Variants in IQANK1 observed in about 807,000 individuals in gnomAD.
IQANK1 encodes IQ motif and ankyrin repeat domain-containing protein 1.
Under a neutral mutation model 22.6 loss-of-function variants are expected in IQANK1, and 30 were observed. The ratio of observed to expected loss-of-function variants is 1.33; its 90% CI spans 0.99 to 1.80. The LOEUF is 1.80. IQANK1 is among the 40% of genes most tolerant of loss of function. The pLI is 0.00. For missense variants in IQANK1, 275 were observed against 235.2 expected (o/e 1.17, Z -1.11); for synonymous variants, 122 against 99.6 (o/e 1.23, Z -1.34).
At chr8:143,737,725 G>T (rs950650140) in intron 2 of IQANK1, among the ~76,000 whole-genome samples, 7 of 152,152 alleles carry the variant, frequency 4.6e-5, no homozygotes, top group Non-Finnish European at 1.0e-4. Context: ...GCCCCTCCAC[G>T]TGTACCCAGG....
intron 7 of IQANK1, among the ~76,000 whole-genome samples, chr8:143,783,814 C>T (rs893514693): frequency 2.6e-5 from 4 of 152,126 alleles, no homozygotes; most frequent in African/African-American, 9.7e-5. Flanking sequence ...GTCCTGAGAG[C>T]ACCCACAGTC....
At position 143,758,718 on chromosome 8, in the gene IQANK1, C is replaced by T. The variant is rs1405351204; in HGVS notation, c.176-12770C>T. ...CCCCTGACAAGCCTGAGTCACAGGT[C>T]CCTGTGCAGGTCCCAGCGTCCAGTC... is the stretch of plus-strand genomic sequence containing the variant. On this transcript the variant is annotated intron_variant, in intron 3 of 13. Transcript: ENST00000527139. This position sits in a 1 kb window ranked among gnomAD's most constrained non-coding sequence, Gnocchi z 4.2. 6.6e-6 allele frequency: 1 copy of T among 152,396 alleles called. No individual in the cohort carries two copies. The highest frequency in any genetic ancestry group is 1.5e-5 in the Non-Finnish European group (1 of 68,172). 9.4% of individuals were successfully genotyped at this position (152,396 alleles called of 1,614,324 possible).
intron 7 of IQANK1, among the ~76,000 whole-genome samples, chr8:143,778,432 T>G (rs373750235): frequency 6.6e-6 from 1 of 152,150 alleles, no homozygotes; most frequent in Non-Finnish European, 1.5e-5. Flanking sequence ...TAATGACAAA[T>G]GTAGGAATTC....
At chr8:143,783,581 G>C (rs192303134) in intron 7 of IQANK1, among the ~76,000 whole-genome samples, 5 of 152,066 alleles carry the variant, frequency 3.3e-5, no homozygotes, top group African/African-American at 9.7e-5. Context: ...TTGTTTTACT[G>C]TAGTAAATTT....
chr8:143,767,985 G>C (rs1819508600), intron 3 of IQANK1, among the ~76,000 whole-genome samples: 1 of 142,772 alleles, frequency 7.0e-6, no homozygotes, highest in East Asian at 2.3e-4. Flanking sequence ...CCGGGTTCAA[G>C]TGATTCTTCC....
chr8:143,750,841 A>G (rs1819174125), intron 3 of IQANK1, among the ~76,000 whole-genome samples: 1 of 152,144 alleles, frequency 6.6e-6, no homozygotes, highest in Non-Finnish European at 1.5e-5. Flanking sequence ...AATAAAATTA[A>G]TAATTACTGA....
chr8:143,748,316 T>C (rs541628073), intron 3 of IQANK1, among the ~76,000 whole-genome samples: 128 of 151,272 alleles, frequency 8.5e-4, no homozygotes, highest in Admixed American at 1.7e-3. Flanking sequence ...TCTTTACTTA[T>C]CTTCTTATCT....
At chr8:143,737,595 C>T (rs879966750) in intron 2 of IQANK1, among the ~76,000 whole-genome samples, 21 of 152,294 alleles carry the variant, frequency 1.4e-4, no homozygotes, top group South Asian at 2.1e-4. Context: ...CAGTGGCCAC[C>T]GCACCAACAC....
intron 3 of IQANK1, chr8:143,759,917 C>T (rs1554628763): frequency 6.6e-6 from 1 of 152,196 alleles, no homozygotes; most frequent in Non-Finnish European, 1.5e-5. Context: ...TCTGGGATGT[C>T]TTTTTAGCTA....
At chr8:143,751,664 G>GTGTGTGTGTATATATATATA (rs370428606) in intron 3 of IQANK1, among the ~76,000 whole-genome samples, 2 of 61,550 alleles carry the variant, frequency 3.2e-5, no homozygotes, top group African/African-American at 8.8e-5. Flanking sequence ...GTGTGTGTGT[G>GTGTGTGTGTATATATATATA]TATATATATA....
chr8:143,767,836 G>T, intron 3 of IQANK1, among the ~76,000 whole-genome samples: 1 of 140,434 alleles, frequency 7.1e-6, no homozygotes, highest in East Asian at 2.5e-4. Flanking sequence ...AGTGAGCCAA[G>T]ATGGAGCCAC....
chr8:143,781,567 A>G (rs1174374439), intron 7 of IQANK1, among the ~76,000 whole-genome samples: 1 of 152,148 alleles, frequency 6.6e-6, no homozygotes, highest in Non-Finnish European at 1.5e-5. Context: ...AGCACGGTTT[A>G]TTGAATATGG....
At chr8:143,744,963 A>G (rs528744786) in intron 3 of IQANK1, 12 of 152,352 alleles carry the variant, frequency 7.9e-5, no homozygotes, top group South Asian at 2.1e-4. Flanking sequence ...CCTGGCGTCA[A>G]TGTCAGTGTC....
At chr8:143,752,718 A>G (rs1819217972) in intron 3 of IQANK1, among the ~76,000 whole-genome samples, 1 of 152,238 alleles carries the variant, frequency 6.6e-6, no homozygotes, top group Non-Finnish European at 1.5e-5. Flanking sequence ...AAATACAGTA[A>G]CATGCTGTAC....
Position 143,758,556 on chromosome 8 carries a change from T to C in IQANK1, c.176-12932T>C, listed in dbSNP as rs1819334247. ...GAGAACACGAGAACAACAAAAATAC[T>C]TTCCTTGAACATTTTCAGCTAGAAT... is the stretch of plus-strand genomic sequence containing the variant. On this transcript the variant is annotated intron_variant, in intron 3 of 13. Transcript: ENST00000527139. This position sits in a 1 kb window ranked among gnomAD's most constrained non-coding sequence, Gnocchi z 4.2. 1 of 152,212 alleles carries C rather than the reference T, an allele frequency of 6.6e-6. No homozygotes were observed. The highest frequency in any genetic ancestry group is 1.5e-5 in the Non-Finnish European group (1 of 68,026). 9.4% of individuals were successfully genotyped at this position (152,212 alleles called of 1,614,324 possible). A position where few individuals can be genotyped will look rare whatever the true frequency, so the allele number is the denominator to read the frequency against.
intron 3 of IQANK1, among the ~76,000 whole-genome samples, chr8:143,766,595 C>A (rs897308926): frequency 6.6e-6 from 1 of 151,788 alleles, no homozygotes. Context: ...CGCTTGAACC[C>A]GGGAGGTGGA....
intron 3 of IQANK1, among the ~76,000 whole-genome samples, chr8:143,747,961 TCCTTTCCTTTC>T (rs1253494577): frequency 6.4e-5 from 7 of 109,594 alleles, no homozygotes; most frequent in East Asian, 7.3e-4. Flanking sequence ...TCCTTTCCTT[TCCTTTCCTTTC>T]CCTTTCCTTT....
At chr8:143,745,966 A>C (rs7824351) in intron 3 of IQANK1, 151,743 of 152,452 alleles carry the variant, frequency 1, 75,520 homozygotes, top group Middle Eastern at 1. Context: ...CCAGGCTAGT[A>C]TTGAACTCCT....
intron 3 of IQANK1, among the ~76,000 whole-genome samples, chr8:143,755,899 G>T (rs182215804): frequency 1.3e-5 from 2 of 151,948 alleles, no homozygotes; most frequent in South Asian, 4.1e-4. Flanking sequence ...TGGCAGCCTT[G>T]GGGGGAGGAA....
Sources: allele counts gnomAD v4.1 joint callset (sites outside exome capture counted in the v4.1 genomes callset), GRCh38; gene constraint gnomAD v4.1.1; non-coding constraint Gnocchi (gnomAD v3.1); transcripts MANE v1.5; gene names NCBI Gene and HGNC (gene_info 2026-07-23, HGNC 2026-07-21).